SCEL: variants seen among roughly 807,000 people sequenced by gnomAD.
SCEL encodes sciellin.
In SCEL, 113 loss-of-function variants were observed where a neutral mutation model predicts 117.6. The observed-to-expected ratio is 0.96, with a 90% CI of 0.83 to 1.12. SCEL has a LOEUF of 1.12. SCEL is among the 50% of genes most tolerant of loss of function. The pLI is 0.00. For synonymous variants in SCEL, 270 were observed against 256.2 expected, an observed-to-expected ratio of 1.05 and a Z score of -0.51; for missense variants, 785 against 810.8, an observed-to-expected ratio of 0.97 and a Z score of 0.39.
intron 22 of SCEL, among the ~76,000 whole-genome samples, chr13:77,611,306 G>A (rs2088629412): frequency 6.6e-6 from 1 of 150,988 alleles, no homozygotes; most frequent in South Asian, 2.1e-4. Flanking sequence ...TTTAGCTTGA[G>A]GGCCATAGTT....
At chr13:77,599,771 C>G (rs1262674347) in intron 15 of SCEL, 23 bp downstream of exon 15, 3 of 1,530,990 alleles carry the variant, frequency 2.0e-6, no homozygotes, top group Non-Finnish European at 2.7e-6. Context: ...TAAGACAGAC[C>G]ATTTTGATTG....
chr13:77,593,298 C>CGCGCGCGCGTG (rs1195863187), intron 11 of SCEL, among the ~76,000 whole-genome samples: 1 of 73,672 alleles, frequency 1.4e-5, no homozygotes, highest in African/African-American at 5.9e-5. Flanking sequence ...GTGTGTGTGT[C>CGCGCGCGCGTG]TGTGTGTGTG....
intron 9 of SCEL, among the ~76,000 whole-genome samples, chr13:77,583,887 A>G (rs1366266726): frequency 6.6e-6 from 1 of 152,224 alleles, no homozygotes; most frequent in Non-Finnish European, 1.5e-5. Context: ...CAGCATATGG[A>G]AATGAAGTAA....
rs564281941 is a variant in SCEL at position 77,541,589 on chromosome 13, C to T, written c.-20+5765C>T. ...ATAAATAAAATGAGATATTTTGTAGCTGCAAAATAAATATTTAAATATTCT... is the reference window on the plus strand; with the variant it reads ...ATAAATAAAATGAGATATTTTGTAGTTGCAAAATAAATATTTAAATATTCT... On this transcript the variant is annotated intron_variant, in intron 1 of 32. Transcript: ENST00000349847. Among the ~76,000 whole-genome samples the T allele has an allele frequency of 1.8e-4, 27 of 152,126 alleles. No homozygotes were observed. The East Asian group carries it at 3.5e-3, about 20-fold the overall frequency.
intron 20 of SCEL, 26 bp downstream of exon 20, chr13:77,608,141 C>T (rs750844303): frequency 6.6e-7 from 1 of 1,525,916 alleles, no homozygotes. Context: ...TACCTCTCTT[C>T]CTTCCCCTTC....
rs867783768 is a variant in SCEL at position 77,644,947 on chromosome 13, G to A, written c.*673G>A. On this transcript the variant is annotated 3_prime_UTR_variant, in exon 33 of 33. Coordinates refer to ENST00000349847, the MANE Select transcript of SCEL (RefSeq NM_144777.3). ...TGCATACATGTTTGTTAAGCCTATTGAACTAGGTAGGACATATAAACAATT... is the reference window on the plus strand; with the variant it reads ...TGCATACATGTTTGTTAAGCCTATTAAACTAGGTAGGACATATAAACAATT... 6.6e-6 allele frequency: 1 copy of A among 152,102 alleles called. No individual in the cohort carries two copies. Among genetic ancestry groups the A allele is most frequent in the African/African-American group, 2.4e-5 (1 of 41,422 alleles). 9.4% of individuals were successfully genotyped at this position (152,102 alleles called of 1,614,324 possible).
chr13:77,568,442 C>T (rs1296481227), intron 7 of SCEL, 109 bp downstream of exon 7: 3 of 644,734 alleles, frequency 4.7e-6, no homozygotes, highest in Non-Finnish European at 5.4e-6. Context: ...CCCTATTGCT[C>T]TGGCAGAGTT....
intron 5 of SCEL, among the ~76,000 whole-genome samples, 184 bp downstream of exon 5, chr13:77,564,083 G>T (rs1218356300): frequency 6.6e-6 from 1 of 151,756 alleles, no homozygotes; most frequent in Non-Finnish European, 1.5e-5. Flanking sequence ...TTGGCTAGAT[G>T]CATTTCCAAA....
chr13:77,642,791 G>C lies in SCEL; in HGVS notation c.2033G>C (p.Cys678Ser). 3.1e-6 allele frequency: 5 copies of C among 1,591,986 alleles called. No homozygotes were observed. Among genetic ancestry groups the C allele is most frequent in the Non-Finnish European group, 4.3e-6 (5 of 1,167,400 alleles). ...AGACAGACAATACACTGTGAACCTTGCTACTCTAAAATTATGGGTAAGTGT... is the reference window on the plus strand; with the variant it reads ...AGACAGACAATACACTGTGAACCTTCCTACTCTAAAATTATGGGTAAGTGT... ...IYRQTIHCEP[C>S]YSKIMAKWIP Residue 678 changes from cysteine to serine, a missense_variant, in exon 32 of 33, where the codon TGC becomes TCC. Coordinates refer to ENST00000349847, the MANE Select transcript of SCEL (RefSeq NM_144777.3).
At chr13:77,552,494 T>C (rs1189873299) in intron 1 of SCEL, among the ~76,000 whole-genome samples, 1 of 151,712 alleles carries the variant, frequency 6.6e-6, no homozygotes, top group Non-Finnish European at 1.5e-5. Context: ...AAATGTCTTC[T>C]TTTGAGAAGT....
chr13:77,551,652 G>C (rs966875318), intron 1 of SCEL, among the ~76,000 whole-genome samples: 3 of 151,978 alleles, frequency 2.0e-5, no homozygotes, highest in African/African-American at 7.3e-5. Context: ...GGTTGAATTA[G>C]TACCCACCCT....
At chr13:77,611,765 T>C (rs1375385847) in intron 22 of SCEL, among the ~76,000 whole-genome samples, 1 of 152,216 alleles carries the variant, frequency 6.6e-6, no homozygotes, top group Non-Finnish European at 1.5e-5. Flanking sequence ...CTTTTTTATA[T>C]GTAAAATCAG....
intron 22 of SCEL, 99 bp downstream of exon 22, chr13:77,610,205 C>G: frequency 3.9e-6 from 3 of 770,556 alleles, no homozygotes; most frequent in Non-Finnish European, 6.2e-6. Flanking sequence ...GTAATCCCAA[C>G]AGTTTAGGAG....
At chr13:77,591,709 C>T (rs2086881886) in intron 11 of SCEL, among the ~76,000 whole-genome samples, 1 of 152,188 alleles carries the variant, frequency 6.6e-6, no homozygotes, top group Admixed American at 6.5e-5. Flanking sequence ...ATCAAACCCA[C>T]TAAAGGCAGG....
At chr13:77,593,295 T>TGTGTGTGCGCGCGCGCGC (rs796907419) in intron 11 of SCEL, among the ~76,000 whole-genome samples, 1 of 136,784 alleles carries the variant, frequency 7.3e-6, no homozygotes, top group African/African-American at 2.8e-5. Context: ...TGTGTGTGTG[T>TGTGTGTGCGCGCGCGCGC]GTCTGTGTGT....
chr13:77,577,530 C>T (rs1237208522), intron 9 of SCEL, among the ~76,000 whole-genome samples: 2 of 152,156 alleles, frequency 1.3e-5, no homozygotes, highest in African/African-American at 4.8e-5. Flanking sequence ...ACATGGGGCT[C>T]ATGGGGACTA....
At chr13:77,574,685 A>G (rs1357672314) in intron 9 of SCEL, among the ~76,000 whole-genome samples, 1 of 152,214 alleles carries the variant, frequency 6.6e-6, no homozygotes, top group East Asian at 1.9e-4. Flanking sequence ...CAATTATTAA[A>G]TGATGAAAGG....
chr13:77,636,572 T>C (rs563110470), intron 29 of SCEL, among the ~76,000 whole-genome samples: 89 of 152,256 alleles, frequency 5.8e-4, no homozygotes, highest in African/African-American at 2.0e-3. Context: ...CAGGAAATAG[T>C]GGTGTTTAAA....
At chr13:77,540,149 G>A (rs141182610) in intron 1 of SCEL, among the ~76,000 whole-genome samples, 3 of 152,276 alleles carry the variant, frequency 2.0e-5, no homozygotes, top group African/African-American at 7.2e-5. Flanking sequence ...ATGGATTAGA[G>A]AGATTACATA....
Sources: gnomAD v4.1 joint callset for allele counts (sites outside exome capture counted in the v4.1 genomes callset) on GRCh38, gnomAD v4.1.1 for gene constraint, MANE v1.5 for transcripts, NCBI Gene and HGNC (gene_info 2026-07-23, HGNC 2026-07-21) for gene names.